Variants in RNF114 observed in about 807,000 individuals in gnomAD.
RNF114 encodes E3 ubiquitin-protein ligase RNF114.
In RNF114, 6 loss-of-function variants were observed where a neutral mutation model predicts 28.4. The observed-to-expected ratio is 0.21, with a 90% CI of 0.12 to 0.42. The LOEUF is 0.42. RNF114 is among the 10% of genes least tolerant of loss of function. RNF114 has a pLI of 1.00. For missense variants in RNF114, 249 were observed against 311.7 expected, an observed-to-expected ratio of 0.80 and a Z score of 1.51; for synonymous variants, 115 against 116.7, an observed-to-expected ratio of 0.99 and a Z score of 0.09.
chr20:49,940,366 C>T (rs1306394169), intron 1 of RNF114, among the ~76,000 whole-genome samples: 2 of 151,702 alleles, frequency 1.3e-5, no homozygotes, highest in East Asian at 1.9e-4. Context: ...TGCACATGAA[C>T]ACCCAGTCCT....
chr20:49,947,885 G>A (rs1190682393), intron 4 of RNF114, among the ~76,000 whole-genome samples: 4 of 137,708 alleles, frequency 2.9e-5, no homozygotes, highest in Non-Finnish European at 4.6e-5. Flanking sequence ...TCCGCCTCCC[G>A]GGTTCACGCC....
chr20:49,946,354 T>G, intron 4 of RNF114, 104 bp downstream of exon 4: 1 of 614,574 alleles, frequency 1.6e-6, no homozygotes, highest in Non-Finnish European at 2.8e-6. Flanking sequence ...GCCCTTCACC[T>G]AGATTGACAG....
chr20:49,943,651 CTTTTTTTTT>C (rs60425763), intron 2 of RNF114, among the ~76,000 whole-genome samples: 2 of 72,122 alleles, frequency 2.8e-5, no homozygotes, highest in Admixed American at 2.2e-4. Context: ...CTACTGTCTT[CTTTTTTTTT>C]TTTTTTTTTT....
At chr20:49,939,924 C>T (rs6125826) in intron 1 of RNF114, among the ~76,000 whole-genome samples, 54,102 of 151,420 alleles carry the variant, frequency 0.36, 11,209 homozygotes, top group South Asian at 0.56. Flanking sequence ...TGTGGTCATG[C>T]GCGCCTGTAA....
At chr20:49,947,232 C>A (rs1361585087) in intron 4 of RNF114, among the ~76,000 whole-genome samples, 1,001 of 17,552 alleles carry the variant, frequency 0.057, 151 homozygotes, top group Non-Finnish European at 0.09. Flanking sequence ...CCCCCCCCCC[C>A]CCCCAAAAAA....
Position 49,941,152 on chromosome 20 carries a change from G to A in RNF114, c.141-409G>A, listed in dbSNP as rs559421435. On this transcript the variant is annotated intron_variant, in intron 1 of 5. Transcript: ENST00000244061. Reference sequence around the variant, plus strand: ...TGATAGCAGCTCCCGTTTGTGGTGCGTTTTGTAAGGGCTGGACACTCTGCC... The same window carrying A: ...TGATAGCAGCTCCCGTTTGTGGTGCATTTTGTAAGGGCTGGACACTCTGCC... 163 of 158,592 alleles carry A rather than the reference G, an allele frequency of 1.0e-3. 1 individual carries two copies. The highest frequency in any genetic ancestry group is 6.3e-3 in the Middle Eastern group (2 of 316). The allele number at this position is 158,592 out of a possible 1,614,324, so 9.8% of individuals were successfully genotyped here.
chr20:49,938,797 C>T (rs1254924176), intron 1 of RNF114, among the ~76,000 whole-genome samples: 3 of 152,236 alleles, frequency 2.0e-5, no homozygotes, highest in Non-Finnish European at 2.9e-5. Flanking sequence ...ATGAGCTGTA[C>T]CTGTGTGTGT....
In RNF114 at chr20:49,952,421, TG is replaced by T. The variant is rs2090358527; in HGVS notation, c.*281del. On this transcript the variant is annotated 3_prime_UTR_variant, in exon 6 of 6. Coordinates refer to ENST00000244061, the MANE Select transcript of RNF114 (RefSeq NM_018683.4). Reference sequence around the variant, plus strand: ...ACTTCCTGGAGCTTCTGCCGCCTCCTGTGGAAGATAATCTAGCTTCTCCACC... The same window carrying T: ...ACTTCCTGGAGCTTCTGCCGCCTCCTTGGAAGATAATCTAGCTTCTCCACC... 1 of 527,394 alleles carries T rather than the reference TG, an allele frequency of 1.9e-6. No individual in the cohort carries two copies. Among genetic ancestry groups the T allele is most frequent in the Admixed American group, 3.2e-5 (1 of 31,336 alleles). The allele number at this position is 527,394 out of a possible 1,614,324, so 32.7% of individuals were successfully genotyped here.
At chr20:49,948,246 C>T (rs879644949) in intron 4 of RNF114, among the ~76,000 whole-genome samples, 1 of 152,194 alleles carries the variant, frequency 6.6e-6, no homozygotes, top group South Asian at 2.1e-4. Context: ...TCTTGTCAAT[C>T]CCCTTTATCA....
chr20:49,943,964 G>A (rs55740134), intron 2 of RNF114: 5,577 of 150,620 alleles, frequency 0.037, 144 homozygotes, highest in East Asian at 0.093. Flanking sequence ...TCCTGACCTC[G>A]TGACCCGCCC....
chr20:49,950,229 C>A (rs761787032), intron 5 of RNF114, among the ~76,000 whole-genome samples: 1 of 151,678 alleles, frequency 6.6e-6, no homozygotes, highest in Non-Finnish European at 1.5e-5. Flanking sequence ...CCAGCCTGGG[C>A]AACAGAGCAA....
chr20:49,949,875 C>T (rs1037113797), intron 5 of RNF114, among the ~76,000 whole-genome samples: 6 of 151,764 alleles, frequency 4.0e-5, no homozygotes, highest in Non-Finnish European at 8.8e-5. Context: ...GAACTCCTGA[C>T]CTCGTGATCT....
chr20:49,949,321 A>G lies in RNF114; in HGVS notation c.587A>G (p.Gln196Arg). ...AGCGCCAACTTCAGAGAGCACATCC[A>G]GCGCCGGCACCGGTTTTCTTATGAC... ...YRSANFREHI[Q>R]RRHRFSYDTF... The change falls in exon 5 of 6, where the codon CAG (glutamine) becomes CGG (arginine). Residue 196 changes from glutamine (Q) to arginine (R), a missense_variant. Physicochemically the swap from Gln to Arg is conservative, Grantham distance 43. Coordinates refer to ENST00000244061, the MANE Select transcript of RNF114 (RefSeq NM_018683.4). 6.2e-7 allele frequency: 1 copy of G among 1,614,108 alleles called. No homozygotes were observed. Among genetic ancestry groups the G allele is most frequent in the Non-Finnish European group, 8.5e-7 (1 of 1,180,024 alleles).
chr20:49,951,469 C>T (rs918980002), intron 5 of RNF114, among the ~76,000 whole-genome samples: 1 of 152,168 alleles, frequency 6.6e-6, no homozygotes, highest in Admixed American at 6.5e-5. Flanking sequence ...CATCTGCGTG[C>T]TCTGTTCCGA....
rs1481500485 is a variant in RNF114, at chr20:49,953,224, C to G, written c.*1083C>G. The G allele has an allele frequency of 6.6e-6, 1 of 152,164 alleles. No homozygotes were observed. Among genetic ancestry groups the G allele is most frequent in the Admixed American group, 6.6e-5 (1 of 15,262 alleles). 9.4% of individuals were successfully genotyped at this position (152,164 alleles called of 1,614,324 possible). The stretch of plus-strand genomic sequence containing the variant: ...AACCCAGTACCACCCCTGGTCTGTT[C>G]TGACGAGACATCGTTCATAAGGCAC... On this transcript the variant is annotated 3_prime_UTR_variant, in exon 6 of 6. Coordinates refer to ENST00000244061, the MANE Select transcript of RNF114 (RefSeq NM_018683.4).
intron 1 of RNF114, among the ~76,000 whole-genome samples, chr20:49,936,834 C>A (rs1246872904): frequency 6.6e-6 from 1 of 151,832 alleles, no homozygotes; most frequent in African/African-American, 2.4e-5. Context: ...CCTTCCCACA[C>A]GTGATAGTGG....
intron 1 of RNF114, among the ~76,000 whole-genome samples, chr20:49,937,487 G>C (rs1038692555): frequency 3.3e-5 from 5 of 152,174 alleles, no homozygotes; most frequent in African/African-American, 4.8e-5. Context: ...GCGGGGGAGG[G>C]TTGGCAGCCA....
chr20:49,948,212 G>C (rs1267634765), intron 4 of RNF114, among the ~76,000 whole-genome samples: 1 of 152,028 alleles, frequency 6.6e-6, no homozygotes, highest in Non-Finnish European at 1.5e-5. Context: ...TTTCCACTCA[G>C]TCTTCTACCA....
intron 4 of RNF114, among the ~76,000 whole-genome samples, chr20:49,948,075 C>A (rs1349725088): frequency 6.6e-6 from 1 of 151,840 alleles, no homozygotes; most frequent in Non-Finnish European, 1.5e-5. Context: ...CAGGCGTGAG[C>A]CACCGCGCCC....
Sources: gnomAD v4.1 joint callset for allele counts (sites outside exome capture counted in the v4.1 genomes callset) on GRCh38, gnomAD v4.1.1 for gene constraint, MANE v1.5 for transcripts, NCBI Gene and HGNC (gene_info 2026-07-23, HGNC 2026-07-21) for gene names.